PRKAR1A: variants seen among roughly 807,000 people sequenced by gnomAD.
PRKAR1A encodes cAMP-dependent protein kinase type I-alpha regulatory subunit.
Under a neutral mutation model 52.0 loss-of-function variants are expected in PRKAR1A, and 3 were observed. The observed-to-expected ratio is 0.06, with a 90% confidence interval of 0.03 to 0.15. The LOEUF (loss-of-function observed/expected upper bound fraction) is 0.15, where lower values mean the gene tolerates loss of function less well. Ranked by LOEUF, PRKAR1A falls within the 10% of genes least tolerant of loss-of-function variation. The pLI, the probability that PRKAR1A is intolerant of heterozygous loss-of-function variation, is 1.00. For missense variants in PRKAR1A, 240 were observed against 477.4 expected (o/e 0.50, Z 4.63); for synonymous variants, 188 against 168.4 (o/e 1.12, Z -0.90).
chr17:68,463,065 T>C, the PRKAR1A span, among the ~76,000 whole-genome samples: 280 of 152,328 alleles, frequency 1.8e-3, 2 homozygotes, highest in African/African-American at 6.2e-3. Flanking sequence ...AATCATTCTC[T>C]AGAATCAGTC....
chr17:68,535,303 A>G (rs1276848088), downstream of PRKAR1A: 4 of 454,034 alleles, frequency 8.8e-6, no homozygotes. Flanking sequence ...TGTACCACAT[A>G]TCATGGTGAA....
the PRKAR1A span, among the ~76,000 whole-genome samples, chr17:68,505,739 G>A: frequency 1.3e-5 from 2 of 152,028 alleles, no homozygotes; most frequent in African/African-American, 4.8e-5. Context: ...CTTGAGCCCA[G>A]GAGATGGGAG....
At chr17:68,442,399 A>C in the PRKAR1A span, among the ~76,000 whole-genome samples, 1 of 150,632 alleles carries the variant, frequency 6.6e-6, no homozygotes, top group Non-Finnish European at 1.5e-5. Flanking sequence ...CGGGAGGCGA[A>C]GGTTGCAGTG....
At chr17:68,476,222 A>G in the PRKAR1A span, among the ~76,000 whole-genome samples, 3 of 152,116 alleles carry the variant, frequency 2.0e-5, no homozygotes, top group African/African-American at 7.2e-5. Flanking sequence ...CACCTTGCTT[A>G]TGTTTGGGTT....
chr17:68,432,724 C>T, the PRKAR1A span, among the ~76,000 whole-genome samples: 1 of 152,198 alleles, frequency 6.6e-6, no homozygotes, highest in Non-Finnish European at 1.5e-5. Flanking sequence ...TCCCCAGATA[C>T]AGTAGGCTTT....
At chr17:68,475,102 A>G in the PRKAR1A span, among the ~76,000 whole-genome samples, 1 of 152,224 alleles carries the variant, frequency 6.6e-6, no homozygotes, top group East Asian at 1.9e-4. Context: ...TAACCCTCTC[A>G]ACAGATCTCT....
chr17:68,535,660 T>TA (rs754252287), downstream of PRKAR1A: 110 of 447,534 alleles, frequency 2.5e-4, no homozygotes, highest in African/African-American at 1.7e-3. Context: ...AGAGTTGATT[T>TA]AAAAAAAAAT....
the PRKAR1A span, chr17:68,421,073 A>G: frequency 6.4e-6 from 1 of 155,110 alleles, no homozygotes; most frequent in Admixed American, 6.3e-5. Context: ...CTACATTTCT[A>G]TCAAACAATG....
chr17:68,536,992 T>C (rs1177852492), downstream of PRKAR1A: 1 of 454,736 alleles, frequency 2.2e-6, no homozygotes, highest in Non-Finnish European at 4.4e-6. Flanking sequence ...TTTGAACCTG[T>C]CAGAGTTACT....
the PRKAR1A span, among the ~76,000 whole-genome samples, chr17:68,504,768 A>T: frequency 6.6e-6 from 1 of 152,216 alleles, no homozygotes; most frequent in Non-Finnish European, 1.5e-5. Flanking sequence ...AATAAGACAT[A>T]GTATTTGATA....
the PRKAR1A span, chr17:68,420,180 CCT>C: frequency 2.9e-5 from 46 of 1,612,652 alleles, no homozygotes; most frequent in Non-Finnish European, 3.7e-5. Context: ...GTTGTCATTC[CCT>C]CTCTAGGTGG....
chr17:68,550,892 CTT>C (rs2086805201), intron 11 of PRKAR1A, among the ~76,000 whole-genome samples: 2 of 152,204 alleles, frequency 1.3e-5, no homozygotes, highest in African/African-American at 2.4e-5. Flanking sequence ...GACTGAAACT[CTT>C]TATTCGGTGC....
Position 68,524,052 on chromosome 17 carries a change from C to T in PRKAR1A, c.477C>T (p.Ile159=), listed in dbSNP as rs372389205. ...ATGCCATGTTTTCGGTCTCCTTTAT[C>T]GCAGGAGAGACTGTGATTCAGCAAG... ...IFDAMFSVSF[I]AGETVIQQGD... Residue 159 remains isoleucine, a synonymous_variant, in exon 5 of 11, where the codon ATC becomes ATT. Coordinates refer to ENST00000589228, the MANE Select transcript of PRKAR1A (RefSeq NM_002734.5). 22 of 1,613,890 alleles carry T rather than the reference C, an allele frequency of 1.4e-5. No individual in the cohort carries two copies. Among genetic ancestry groups the T allele is most frequent in the East Asian group, 1.1e-4 (5 of 44,888 alleles).
chr17:68,455,564 C>T, the PRKAR1A span, among the ~76,000 whole-genome samples: 1 of 152,094 alleles, frequency 6.6e-6, no homozygotes. Context: ...ATTTTAAAAT[C>T]CAATGTCATA....
At chr17:68,533,527 T>A, downstream of PRKAR1A, 2 of 713,366 alleles carry the variant, frequency 2.8e-6, no homozygotes, top group Non-Finnish European at 3.5e-6. Context: ...TTTAATGATT[T>A]AAATATTGAC....
the PRKAR1A span, among the ~76,000 whole-genome samples, chr17:68,467,693 C>A: frequency 1.3e-5 from 2 of 152,270 alleles, no homozygotes; most frequent in South Asian, 4.1e-4. Flanking sequence ...TTCAAGAACT[C>A]GATATCTGAA....
the PRKAR1A span, among the ~76,000 whole-genome samples, chr17:68,504,583 C>T: frequency 4.6e-5 from 7 of 152,184 alleles, no homozygotes; most frequent in African/African-American, 1.7e-4. Context: ...TGAAGTAGGC[C>T]AAGCACAGAA....
chr17:68,493,367 A>G, the PRKAR1A span, among the ~76,000 whole-genome samples: 111,758 of 151,982 alleles, frequency 0.74, 41,413 homozygotes, highest in East Asian at 0.95. Flanking sequence ...CCAAGCAGGC[A>G]ACTTGAAAGG....
At chr17:68,426,964 T>TA in the PRKAR1A span, among the ~76,000 whole-genome samples, 2 of 151,260 alleles carry the variant, frequency 1.3e-5, no homozygotes, top group Non-Finnish European at 2.9e-5. Context: ...TGTGAGAAAA[T>TA]AAAAAATTCA....
Sources: gnomAD v4.1 joint callset for allele counts (sites outside exome capture counted in the v4.1 genomes callset) on GRCh38, gnomAD v4.1.1 for gene constraint, MANE v1.5 for transcripts, NCBI Gene and HGNC (gene_info 2026-07-23, HGNC 2026-07-21) for gene names.